ANKRD42: variants seen among roughly 807,000 people sequenced by gnomAD.
ANKRD42 encodes the protein ankyrin repeat domain-containing protein 42.
ANKRD42 carries 43 observed loss-of-function variants against 51.5 expected under a neutral mutation model. The observed-to-expected ratio is 0.83, with a 90% CI of 0.65 to 1.08. ANKRD42 has a LOEUF of 1.08. Ranked by LOEUF, ANKRD42 falls within the 50% of genes least tolerant of loss-of-function variation. ANKRD42 has a pLI of 0.00. For missense variants in ANKRD42, 608 were observed against 629.3 expected (o/e 0.97, Z 0.36); for synonymous variants, 203 against 213.0 (o/e 0.95, Z 0.41).
At chr11:83,258,314 CCTAT>C (rs1863807536), downstream of ANKRD42, among the ~76,000 whole-genome samples, 1 of 151,696 alleles carries the variant, frequency 6.6e-6, no homozygotes, top group Non-Finnish European at 1.5e-5. Context: ...AAATCATATA[CCTAT>C]ATTATTGACA....
chr11:83,211,372 A>G lies in ANKRD42; in HGVS notation c.528A>G (p.Gln176=), dbSNP rs887980199. 4.3e-6 allele frequency: 7 copies of G among 1,614,178 alleles called. 1 individual carries two copies. The South Asian group carries it at 7.7e-5, about 18-fold the overall frequency. ...TTCATGGGCGGCTTGGCTGCTTGCA[A>G]CTTCTTGTTAAATGGGGTTGTAGCA... ...AAFHGRLGCL[Q]LLVKWGCSIE... The change falls in exon 5 of 11, where the codon CAA becomes CAG. Residue 176 remains glutamine (Q), a synonymous_variant. Coordinates refer to ENST00000533342, the MANE Select transcript of ANKRD42 (RefSeq NM_001300975.2).
downstream of ANKRD42, among the ~76,000 whole-genome samples, chr11:83,250,144 C>T (rs902755499): frequency 2.0e-5 from 3 of 152,060 alleles, no homozygotes; most frequent in South Asian, 2.1e-4. Flanking sequence ...ATTATAAATA[C>T]GGAATCCTCA....
intron 5 of ANKRD42, among the ~76,000 whole-genome samples, chr11:83,215,923 G>A (rs971844497): frequency 1.3e-5 from 2 of 152,030 alleles, no homozygotes; most frequent in Non-Finnish European, 2.9e-5. Context: ...AGCCTCTCAA[G>A]TAGCTGGATT....
chr11:83,260,050 C>T (rs1863857025), downstream of ANKRD42: 2 of 152,254 alleles, frequency 1.3e-5, no homozygotes, highest in Non-Finnish European at 2.9e-5. Context: ...CTTGTTTCTC[C>T]TTCCAGATTT....
At chr11:83,211,470 G>A in intron 5 of ANKRD42, 40 bp downstream of exon 5, 7 of 1,599,036 alleles carry the variant, frequency 4.4e-6, no homozygotes, top group Non-Finnish European at 6.0e-6. Context: ...TTTCATTGAT[G>A]TAAACTTTTA....
chr11:83,220,546 T>C (rs1338368147), intron 5 of ANKRD42, among the ~76,000 whole-genome samples: 2 of 152,122 alleles, frequency 1.3e-5, no homozygotes, highest in Admixed American at 6.5e-5. Flanking sequence ...GAAAAAGCTA[T>C]AGGCTTTATT....
rs201002064 is a variant in ANKRD42 at position 83,198,476 on chromosome 11, T to G, written c.59-3T>G. 1 of 1,606,878 alleles carries G rather than the reference T, an allele frequency of 6.2e-7. No individual in the cohort carries two copies. ...CATTGTAAGTAATTTGATTTTTCAA[T>G]AGGTTCCAGGAAGAAGGTGCATTTT... On this transcript the variant is annotated splice_polypyrimidine_tract_variant and splice_region_variant and intron_variant, in intron 1 of 10. Transcript: ENST00000533342.
chr11:83,209,370 G>C (rs949460414), intron 3 of ANKRD42: 91 of 1,523,206 alleles, frequency 6.0e-5, no homozygotes, highest in Non-Finnish European at 1.8e-6. Flanking sequence ...TTGGCAGCGC[G>C]GGGCTGCAGG....
At chr11:83,198,346 A>G in intron 1 of ANKRD42, 133 bp from the exon 2 acceptor site, 1 of 884,494 alleles carries the variant, frequency 1.1e-6, no homozygotes, top group South Asian at 1.9e-5. Flanking sequence ...TAAGATATTA[A>G]TGACAAACAT....
At chr11:83,259,271 CT>C (rs1863831440), downstream of ANKRD42, 1 of 152,188 alleles carries the variant, frequency 6.6e-6, no homozygotes, top group African/African-American at 2.4e-5. Flanking sequence ...ACACAATCCT[CT>C]CATCCTTATT....
Position 83,236,397 on chromosome 11 carries a change from T to G in ANKRD42, c.914-7T>G. 1 of 1,585,468 alleles carries G rather than the reference T, an allele frequency of 6.3e-7. No homozygotes were observed. Among genetic ancestry groups the G allele is most frequent in the Non-Finnish European group, 8.5e-7 (1 of 1,170,736 alleles). ...TAATTCCTGTTCTTTTTCCTTTTTT[T>G]GAACAGCTGCTGGACAAGGCCACAT... On this transcript the variant is annotated splice_region_variant and splice_polypyrimidine_tract_variant and intron_variant, in intron 7 of 10. Transcript: ENST00000533342.
At chr11:83,221,402 C>T (rs1862713352) in intron 5 of ANKRD42, among the ~76,000 whole-genome samples, 1 of 152,074 alleles carries the variant, frequency 6.6e-6, no homozygotes, top group African/African-American at 2.4e-5. Context: ...ATTGCTTTGT[C>T]TGTTTGGGTA....
At chr11:83,240,979 A>T (rs199923568) in intron 9 of ANKRD42, 45 bp downstream of exon 9, 2 of 1,557,782 alleles carry the variant, frequency 1.3e-6, no homozygotes, top group Non-Finnish European at 1.7e-6. Context: ...CAGAAATACC[A>T]CAGCCACTTT....
intron 9 of ANKRD42, among the ~76,000 whole-genome samples, chr11:83,243,966 C>CCTT: frequency 1.1e-5 from 1 of 91,952 alleles, no homozygotes; most frequent in Non-Finnish European, 2.2e-5. Flanking sequence ...GCCTGGCTGC[C>CCTT]CTTTTTTTTT....
At position 83,194,455 on chromosome 11, in the gene ANKRD42, T is replaced by C; in HGVS notation, c.-216T>C. ...TGTGAGCGGCAGTGAAGACGCCAGC[T>C]ACCGCTTCAGTGGCTTTTGGGAGAG... On this transcript the variant is annotated 5_prime_UTR_variant, in exon 1 of 11. Transcript: ENST00000533342. 1.4e-6 allele frequency: 1 copy of C among 699,384 alleles called. No homozygotes were observed. 43.3% of individuals were successfully genotyped at this position (699,384 alleles called of 1,614,324 possible). A position where few individuals can be genotyped will look rare whatever the true frequency, so the allele number is the denominator to read the frequency against.
At chr11:83,202,800 G>C (rs529744177) in intron 2 of ANKRD42, among the ~76,000 whole-genome samples, 2 of 152,104 alleles carry the variant, frequency 1.3e-5, no homozygotes, top group African/African-American at 4.8e-5. Flanking sequence ...GCTCTTTGAA[G>C]ATACCATTTG....
At position 83,245,600 on chromosome 11, in the gene ANKRD42, A is replaced by G. The variant is rs1195310302; in HGVS notation, c.1298A>G (p.Lys433Arg). ...GGITEEDLKQ[K>R]KEQLESEKTI... ...ATAACAGAAGAAGATTTAAAGCAGA[A>G]GAAAGAACAGCTTGAGTCTGAAAAG... Residue 433 changes from lysine to arginine, a missense_variant, in exon 10 of 11, where the codon AAG becomes AGG. By Grantham distance (26) the Lys-to-Arg change is conservative. Coordinates refer to ENST00000533342, the MANE Select transcript of ANKRD42 (RefSeq NM_001300975.2). 16 of 1,536,392 alleles carry G rather than the reference A, an allele frequency of 1.0e-5. No individual in the cohort carries two copies. The highest frequency in any genetic ancestry group is 2.4e-5 in the East Asian group (1 of 40,910).
chr11:83,247,321 C>T (rs764722590), intron 10 of ANKRD42, among the ~76,000 whole-genome samples: 4 of 151,948 alleles, frequency 2.6e-5, no homozygotes, highest in South Asian at 4.2e-4. Context: ...CACCTGCCTC[C>T]GCCTCCCAAA....
At chr11:83,261,950 G>A (rs1480470033), downstream of ANKRD42, 1 of 1,599,398 alleles carries the variant, frequency 6.3e-7, no homozygotes. Context: ...CTATTGCCAG[G>A]CAAGTAAACA....
Sources: gnomAD v4.1 joint callset for allele counts (sites outside exome capture counted in the v4.1 genomes callset) on GRCh38, gnomAD v4.1.1 for gene constraint, MANE v1.5 for transcripts, NCBI Gene and HGNC (gene_info 2026-07-23, HGNC 2026-07-21) for gene names.